RBFOX1: variants seen among roughly 807,000 people sequenced by gnomAD.
RBFOX1 encodes RNA binding protein fox-1 homolog 1.
RBFOX1 carries 8 observed loss-of-function variants against 57.7 expected under a neutral mutation model. The observed-to-expected ratio is 0.14, with a 90% CI of 0.08 to 0.25. The LOEUF is 0.25. Ranked by LOEUF, RBFOX1 falls within the 10% of genes least tolerant of loss-of-function variation. The pLI, the probability that RBFOX1 is intolerant of heterozygous loss-of-function variation, is 1.00. For synonymous variants in RBFOX1, 326 were observed against 222.4 expected (o/e 1.47, Z -4.15); for missense variants, 611 against 548.5 (o/e 1.11, Z -1.14).
intron 12 of RBFOX1, among the ~76,000 whole-genome samples, chr16:7,658,945 A>G (rs1319399652): frequency 6.6e-6 from 1 of 152,130 alleles, no homozygotes; most frequent in Non-Finnish European, 1.5e-5. Flanking sequence ...GGCTGCTCTC[A>G]AACTCCTGAC....
chr16:5,752,264 C>T (rs1337117945), intron 3 of RBFOX1, among the ~76,000 whole-genome samples: 2 of 152,022 alleles, frequency 1.3e-5, no homozygotes, highest in Non-Finnish European at 2.9e-5. Flanking sequence ...CACACTGGGA[C>T]CTTTTAGAGG....
intron 12 of RBFOX1, among the ~76,000 whole-genome samples, chr16:7,663,270 T>A (rs562903635): frequency 6.6e-5 from 10 of 152,220 alleles, no homozygotes; most frequent in Non-Finnish European, 1.3e-4. Context: ...CATCTTGGAT[T>A]AGGGCTTTAT....
chr16:6,759,473 CT>C (rs1222432377), intron 3 of RBFOX1, among the ~76,000 whole-genome samples: 1 of 143,082 alleles, frequency 7.0e-6, no homozygotes, highest in African/African-American at 2.7e-5. Context: ...TGTCAGTTGT[CT>C]GTGTGTGTGT....
chr16:7,084,956 A>G (rs1159929373), intron 4 of RBFOX1, among the ~76,000 whole-genome samples: 2 of 151,964 alleles, frequency 1.3e-5, no homozygotes, highest in East Asian at 1.9e-4. Context: ...TCATCTATCT[A>G]TGTATCTGTC....
At chr16:6,164,225 A>T (rs2096899591) in intron 1 of RBFOX1, among the ~76,000 whole-genome samples, 1 of 152,172 alleles carries the variant, frequency 6.6e-6, no homozygotes, top group Non-Finnish European at 1.5e-5. Context: ...AATCAGGCAG[A>T]TATTTGTACT....
At chr16:6,142,681 G>A (rs950607192) in intron 1 of RBFOX1, among the ~76,000 whole-genome samples, 3 of 152,196 alleles carry the variant, frequency 2.0e-5, no homozygotes, top group Non-Finnish European at 4.4e-5. Flanking sequence ...ATGAAGGAAT[G>A]AGTGAATGAG....
intron 3 of RBFOX1, among the ~76,000 whole-genome samples, chr16:6,723,201 G>T (rs994680798): frequency 2.0e-5 from 3 of 152,192 alleles, no homozygotes; most frequent in Non-Finnish European, 4.4e-5. Flanking sequence ...AAAAGTGTGG[G>T]CATTGGGGTT....
In RBFOX1 at chr16:7,675,617, A is replaced by G. The variant is rs537993635; in HGVS notation, c.931-1157A>G. Among the ~76,000 whole-genome samples, 67 of 152,346 alleles carry G rather than the reference A, an allele frequency of 4.4e-4. 1 individual carries two copies. The highest frequency in any genetic ancestry group is 3.8e-3 in the Admixed American group (58 of 15,302). ...TTGAGACCCGTGTACCTACATCTTG[A>G]AAGAGGCTTTTTGTAGCTTCCCTGC... On this transcript the variant is annotated intron_variant, in intron 13 of 15. Transcript: ENST00000550418.
intron 3 of RBFOX1, among the ~76,000 whole-genome samples, chr16:6,906,239 A>AC (rs56341827): frequency 0.17 from 24,706 of 149,670 alleles, 2,168 homozygotes; most frequent in South Asian, 0.28. Flanking sequence ...GCAATTTATT[A>AC]CCCCCCCCCA....
At chr16:6,908,459 G>C (rs1037120373) in intron 3 of RBFOX1, among the ~76,000 whole-genome samples, 1 of 152,094 alleles carries the variant, frequency 6.6e-6, no homozygotes, top group Non-Finnish European at 1.5e-5. Context: ...ACCTCTTCTA[G>C]ACTTTCTCCC....
Position 5,709,259 on chromosome 16 carries a change from C to G in RBFOX1, c.318+110298C>G, listed in dbSNP as rs74006217. 8.3e-3 allele frequency among the ~76,000 whole-genome samples: 1,262 copies of G among 152,224 alleles called. 15 individuals are homozygous for G. The highest frequency in any genetic ancestry group is 0.028 in the African/African-American group (1,162 of 41,530). On this transcript the variant is annotated intron_variant, in intron 3 of 19. Coordinates refer to the RBFOX1 transcript ENST00000641259. ...ATGGTAGAGAACACAGGATGCCAGG[C>G]AGCAAAGACGATGGGTGCATAATCA... is the stretch of plus-strand genomic sequence containing the variant.
intron 2 of RBFOX1, among the ~76,000 whole-genome samples, chr16:5,577,440 A>G (rs1023942062): frequency 7.2e-5 from 11 of 152,118 alleles, no homozygotes; most frequent in Admixed American, 6.5e-5. Context: ...TTTTAGTGGG[A>G]AAAATGGTGC....
intron 4 of RBFOX1, among the ~76,000 whole-genome samples, chr16:7,174,934 C>T (rs1476362755): frequency 6.6e-6 from 1 of 152,188 alleles, no homozygotes; most frequent in African/African-American, 2.4e-5. Flanking sequence ...AAATTACTGC[C>T]ATTCTAGTGG....
In RBFOX1 at chr16:7,113,202, A is replaced by G. The variant is rs1390862365; in HGVS notation, c.27+61104A>G. Among the ~76,000 whole-genome samples the G allele has an allele frequency of 6.6e-5, 10 of 152,296 alleles. 1 individual carries two copies. The South Asian group carries it at 2.1e-3, about 32-fold the overall frequency. On this transcript the variant is annotated intron_variant, in intron 4 of 15. Transcript: ENST00000550418. The stretch of plus-strand genomic sequence containing the variant: ...ATACATAAATACATTGAGCTTTCTG[A>G]GGAGACCTGGAGTCTGCATATTCTG...
chr16:7,120,828 T>TACACACAC (rs557348204), intron 4 of RBFOX1, among the ~76,000 whole-genome samples: 34 of 32,580 alleles, frequency 1.0e-3, no homozygotes, highest in Admixed American at 4.9e-3. Flanking sequence ...TATATGTATA[T>TACACACAC]ATACACACAC....
intron 1 of RBFOX1, among the ~76,000 whole-genome samples, chr16:5,271,804 G>C (rs1275236148): frequency 6.6e-6 from 1 of 152,142 alleles, no homozygotes; most frequent in Non-Finnish European, 1.5e-5. Flanking sequence ...CTATTTCTGT[G>C]AGTTCAACTT....
chr16:7,583,829 C>CA (rs995873854), intron 6 of RBFOX1, among the ~76,000 whole-genome samples: 17 of 149,370 alleles, frequency 1.1e-4, no homozygotes, highest in East Asian at 3.9e-4. Context: ...ACAATAAAAT[C>CA]AAAAAAAACC....
At chr16:5,553,789 A>G (rs1012997235) in intron 2 of RBFOX1, among the ~76,000 whole-genome samples, 12 of 152,118 alleles carry the variant, frequency 7.9e-5, no homozygotes, top group African/African-American at 2.6e-4. Context: ...CAATATTGAA[A>G]AAACATGTAT....
intron 1 of RBFOX1, among the ~76,000 whole-genome samples, chr16:6,223,481 T>G (rs556361863): frequency 6.6e-6 from 1 of 152,338 alleles, no homozygotes; most frequent in African/African-American, 2.4e-5. Flanking sequence ...ATGTGTCTTT[T>G]GGCTGCATAA....
Sources: allele counts gnomAD v4.1 joint callset (sites outside exome capture counted in the v4.1 genomes callset), GRCh38; gene constraint gnomAD v4.1.1; transcripts MANE v1.5; gene names NCBI Gene and HGNC (gene_info 2026-07-23, HGNC 2026-07-21).